The following SNTG1 variants were observed in gnomAD, a reference collection of about 807,000 sequenced individuals.
SNTG1 encodes syntrophin gamma 1.
A neutral mutation model predicts 74.7 loss-of-function variants in SNTG1; 39 were observed. The ratio of observed to expected loss-of-function variants is 0.52; its 90% CI spans 0.40 to 0.68. The LOEUF is 0.68. Among genes scored for constraint, SNTG1 ranks in the 30% least tolerant of loss-of-function variants. The pLI is 0.00. For synonymous variants in SNTG1, 254 were observed against 217.1 expected (o/e 1.17, Z -1.49); for missense variants, 685 against 609.5 (o/e 1.12, Z -1.30).
At chr8:50,381,263 T>C (rs1404558349) in intron 2 of SNTG1, among the ~76,000 whole-genome samples, 1 of 152,030 alleles carries the variant, frequency 6.6e-6, no homozygotes, top group Non-Finnish European at 1.5e-5. Flanking sequence ...GATTAACCAA[T>C]AAACTTATTT....
At chr8:50,176,368 C>T (rs1375055199) in intron 2 of SNTG1, among the ~76,000 whole-genome samples, 2 of 152,182 alleles carry the variant, frequency 1.3e-5, no homozygotes, top group Non-Finnish European at 2.9e-5. Context: ...CTAGTGTTGT[C>T]TGTCACAGAT....
At chr8:50,680,645 C>A (rs1000694770) in intron 15 of SNTG1, among the ~76,000 whole-genome samples, 3 of 152,158 alleles carry the variant, frequency 2.0e-5, no homozygotes, top group African/African-American at 7.2e-5. Context: ...TTTCTACCAA[C>A]ACCCTTCGGA....
chr8:50,727,126 G>A, intron 17 of SNTG1, among the ~76,000 whole-genome samples: 1 of 152,152 alleles, frequency 6.6e-6, no homozygotes, highest in Non-Finnish European at 1.5e-5. Flanking sequence ...TATATTAGTG[G>A]TGTATAATGA....
chr8:50,493,828 A>G (rs1211661835), intron 8 of SNTG1, among the ~76,000 whole-genome samples: 2 of 151,582 alleles, frequency 1.3e-5, no homozygotes, highest in Non-Finnish European at 2.9e-5. Flanking sequence ...AAAAAACAAA[A>G]ATAATAAAAC....
At chr8:50,784,716 C>T (rs1158000857) in intron 18 of SNTG1, among the ~76,000 whole-genome samples, 1 of 152,136 alleles carries the variant, frequency 6.6e-6, no homozygotes, top group African/African-American at 2.4e-5. Context: ...CACCCAATTA[C>T]AGAAGAACAT....
chr8:49,941,834 T>A (rs1024938571), intron 1 of SNTG1, among the ~76,000 whole-genome samples: 1 of 152,244 alleles, frequency 6.6e-6, no homozygotes, highest in Non-Finnish European at 1.5e-5. Flanking sequence ...AATGACCTTT[T>A]CTCTCTCGCT....
intron 11 of SNTG1, among the ~76,000 whole-genome samples, chr8:50,548,629 TA>T (rs5891373): frequency 0.36 from 54,512 of 151,860 alleles, 12,039 homozygotes; most frequent in African/African-American, 0.63. Flanking sequence ...AGCAGCTTGG[TA>T]AGATCGAACA....
At position 50,636,712 on chromosome 8, in the gene SNTG1, C is replaced by T. The variant is rs185476564; in HGVS notation, c.850-20197C>T. Among the ~76,000 whole-genome samples the T allele has an allele frequency of 5.9e-5, 9 of 152,134 alleles. No homozygotes were observed. In the South Asian group the frequency reaches 6.2e-4, roughly 11 times the overall value. On this transcript the variant is annotated intron_variant, in intron 13 of 18. Coordinates refer to ENST00000642720, the MANE Select transcript of SNTG1 (RefSeq NM_018967.5). ...CCCTCTTTAGTGCCTCTTTCAGCAG[C>T]GTGATGTTAAAATCAGGTACTGTGT...
chr8:50,176,923 C>T (rs2083020567), intron 2 of SNTG1, among the ~76,000 whole-genome samples: 1 of 152,138 alleles, frequency 6.6e-6, no homozygotes, highest in South Asian at 2.1e-4. Flanking sequence ...GCAGATTAAT[C>T]TAGGCTGCTT....
At chr8:50,782,435 C>G (rs2095662361) in intron 18 of SNTG1, among the ~76,000 whole-genome samples, 1 of 152,176 alleles carries the variant, frequency 6.6e-6, no homozygotes, top group Non-Finnish European at 1.5e-5. Context: ...AACTTTCCTT[C>G]TCACTTCATT....
intron 2 of SNTG1, among the ~76,000 whole-genome samples, chr8:50,311,248 G>A (rs1370099477): frequency 1.3e-5 from 2 of 152,286 alleles, no homozygotes; most frequent in East Asian, 1.9e-4. Flanking sequence ...CTGCAGCCAA[G>A]CCTGAATAAT....
intron 3 of SNTG1, among the ~76,000 whole-genome samples, chr8:50,397,790 G>T (rs775576399): frequency 6.6e-6 from 1 of 152,190 alleles, no homozygotes; most frequent in Admixed American, 6.5e-5. Flanking sequence ...ATAGCAGAGT[G>T]TGTGGTGAAG....
At chr8:50,115,029 T>G (rs1442491103) in intron 1 of SNTG1, among the ~76,000 whole-genome samples, 1 of 152,108 alleles carries the variant, frequency 6.6e-6, no homozygotes, top group Non-Finnish European at 1.5e-5. Context: ...CAATTAAATA[T>G]GTTAAAATTC....
rs1333621614 is a variant in SNTG1, at chr8:50,381,608, C to G, written c.-27-12604C>G. 1.6e-3 allele frequency among the ~76,000 whole-genome samples: 196 copies of G among 122,178 alleles called. 3 individuals are homozygous for G. The highest frequency in any genetic ancestry group is 5.8e-3 in the African/African-American group (188 of 32,570). 80.2% of individuals were successfully genotyped at this position (122,178 alleles called of 152,430 possible). On this transcript the variant is annotated intron_variant, in intron 2 of 18. Transcript: ENST00000642720. ...TGTGTGTGTGTATATATATATATATCTCCTATTAGTTATATATATATATCC... is the reference window on the plus strand; with the variant it reads ...TGTGTGTGTGTATATATATATATATGTCCTATTAGTTATATATATATATCC...
At chr8:50,148,587 T>C (rs902206890) in intron 1 of SNTG1, among the ~76,000 whole-genome samples, 1 of 152,160 alleles carries the variant, frequency 6.6e-6, no homozygotes, top group Non-Finnish European at 1.5e-5. Context: ...TGTGTGATGT[T>C]CCCCTTCCTG....
rs576301043 is a variant in SNTG1 at position 50,670,306 on chromosome 8, C to T, written c.1038+11643C>T. 8.5e-5 allele frequency among the ~76,000 whole-genome samples: 13 copies of T among 152,098 alleles called. No homozygotes were observed. The East Asian group carries it at 2.1e-3, about 25-fold the overall frequency. On this transcript the variant is annotated intron_variant, in intron 15 of 18. Coordinates refer to ENST00000642720, the MANE Select transcript of SNTG1 (RefSeq NM_018967.5). ...ATCTAGAAAACCCCATTGTCTCAGC[C>T]CAAAATCTCCTGAAGCTGATAAGCA...
At position 50,524,928 on chromosome 8, in the gene SNTG1, C is replaced by T. The variant is rs563842965; in HGVS notation, c.467-5249C>T. ...CACAATAAAAATTACTATGAATACACCTTCATTATTCTGTATTTGTCTACA... is the reference window on the plus strand; with the variant it reads ...CACAATAAAAATTACTATGAATACATCTTCATTATTCTGTATTTGTCTACA... On this transcript the variant is annotated intron_variant, in intron 9 of 18. Coordinates refer to ENST00000642720, the MANE Select transcript of SNTG1 (RefSeq NM_018967.5). Among the ~76,000 whole-genome samples the T allele has an allele frequency of 3.0e-4, 45 of 152,072 alleles. 1 individual carries two copies. In the South Asian group the frequency reaches 9.1e-3, roughly 31 times the overall value.
chr8:50,383,481 C>G (rs1226006849), intron 2 of SNTG1, among the ~76,000 whole-genome samples: 1 of 152,174 alleles, frequency 6.6e-6, no homozygotes, highest in Non-Finnish European at 1.5e-5. Flanking sequence ...TGTACATGCA[C>G]ATACAGTCAA....
At chr8:50,702,814 C>T (rs1193357218) in intron 15 of SNTG1, among the ~76,000 whole-genome samples, 1 of 152,102 alleles carries the variant, frequency 6.6e-6, no homozygotes, top group Non-Finnish European at 1.5e-5. Flanking sequence ...TCCTAGGTTA[C>T]ACACCTGTAT....
Sources: allele counts gnomAD v4.1 joint callset (sites outside exome capture counted in the v4.1 genomes callset), GRCh38; gene constraint gnomAD v4.1.1; transcripts MANE v1.5; gene names NCBI Gene and HGNC (gene_info 2026-07-23, HGNC 2026-07-21).